ANKFN1: variants seen among roughly 807,000 people sequenced by gnomAD.
The protein encoded by ANKFN1 is ankyrin repeat and fibronectin type III domain containing 1.
A neutral mutation model predicts 108.7 loss-of-function variants in ANKFN1; 74 were observed. That is an observed-to-expected ratio of 0.68 (90% confidence interval 0.56 to 0.83). The LOEUF (loss-of-function observed/expected upper bound fraction) is 0.83, where lower values mean the gene tolerates loss of function less well. ANKFN1 is among the 40% of genes least tolerant of loss of function. The pLI is 0.00. For missense variants in ANKFN1, 1,505 were observed against 1,382.3 expected (o/e 1.09, Z -1.41); for synonymous variants, 547 against 516.2 (o/e 1.06, Z -0.81).
intron 4 of ANKFN1, among the ~76,000 whole-genome samples, chr17:56,137,002 A>C (rs1191855872): frequency 6.6e-6 from 1 of 152,204 alleles, no homozygotes; most frequent in African/African-American, 2.4e-5. Flanking sequence ...CTGCCCACAA[A>C]GGAAATAAGA....
chr17:56,466,318 A>G (rs768348373), intron 14 of ANKFN1, 38 bp from the exon 15 acceptor site: 22 of 1,571,308 alleles, frequency 1.4e-5, no homozygotes, highest in Non-Finnish European at 1.9e-5. Context: ...TTGTTAGCAT[A>G]ATACCCTCTA....
chr17:56,469,169 G>C (rs1039348892), intron 15 of ANKFN1, among the ~76,000 whole-genome samples: 2 of 151,938 alleles, frequency 1.3e-5, no homozygotes, highest in Non-Finnish European at 2.9e-5. Flanking sequence ...AGATCCAAGT[G>C]GAAAATTTAC....
At chr17:56,166,763 A>AT (rs1328204740) in intron 1 of ANKFN1, among the ~76,000 whole-genome samples, 1 of 152,028 alleles carries the variant, frequency 6.6e-6, no homozygotes, top group African/African-American at 2.4e-5. Context: ...TCCCCATAGT[A>AT]TTTTTTTGTT....
chr17:56,375,793 C>G (rs1287506256), intron 8 of ANKFN1, among the ~76,000 whole-genome samples: 1 of 152,130 alleles, frequency 6.6e-6, no homozygotes, highest in Non-Finnish European at 1.5e-5. Flanking sequence ...GACTATGCAC[C>G]AGGCACCATT....
intron 1 of ANKFN1, among the ~76,000 whole-genome samples, chr17:56,195,080 G>A (rs1913385054): frequency 6.6e-6 from 1 of 151,870 alleles, no homozygotes; most frequent in Non-Finnish European, 1.5e-5. Flanking sequence ...TCCCTTTTTT[G>A]CATTACAATG....
rs148001349 is a variant in ANKFN1 at position 56,145,298 on chromosome 17, T to A, written c.289-82619T>A. On this transcript the variant is annotated intron_variant, in intron 4 of 12. Transcript: ENST00000635860. ...TAAAGGGAGTCAGAAAAATAGAATG[T>A]TTTTTGCTAGCAGATGTGTAAAACC... 1.4e-3 allele frequency among the ~76,000 whole-genome samples: 219 copies of A among 152,268 alleles called. 2 individuals carry two copies. The highest frequency in any genetic ancestry group is 5.2e-3 in the African/African-American group (216 of 41,558).
At chr17:56,091,442 A>ACACACC (rs1215111558) in intron 4 of ANKFN1, among the ~76,000 whole-genome samples, 1 of 150,436 alleles carries the variant, frequency 6.6e-6, no homozygotes, top group Admixed American at 6.6e-5. Flanking sequence ...ACACACACAC[A>ACACACC]CACACACACA....
At chr17:56,466,644 A>T in intron 15 of ANKFN1, 73 bp downstream of exon 15, 1 of 1,322,478 alleles carries the variant, frequency 7.6e-7, no homozygotes, top group South Asian at 1.3e-5. Flanking sequence ...CTAGTGAAAT[A>T]TTGCAAGAGC....
intron 8 of ANKFN1, among the ~76,000 whole-genome samples, chr17:56,399,924 T>C (rs1439869275): frequency 6.8e-6 from 1 of 147,346 alleles, no homozygotes; most frequent in East Asian, 2.0e-4. Context: ...ATATTATATA[T>C]AGTGATATAT....
chr17:56,288,163 A>G (rs181663017), intron 3 of ANKFN1, among the ~76,000 whole-genome samples: 110 of 152,294 alleles, frequency 7.2e-4, no homozygotes, highest in African/African-American at 2.5e-3. Context: ...ACAAAAAATG[A>G]AAAAGATATA....
In ANKFN1 at chr17:56,126,692, G is replaced by T. The variant is rs542633466; in HGVS notation, c.288+80367G>T. 4.5e-4 allele frequency among the ~76,000 whole-genome samples: 69 copies of T among 152,302 alleles called. No homozygotes were observed. The South Asian group carries it at 0.014, about 31-fold the overall frequency. On this transcript the variant is annotated intron_variant, in intron 4 of 12. Transcript: ENST00000635860. ...CACACCTAATTCTCCCAGATGATTTGTAAGGCTCTCCAGGACCAAAAGGGG... is the reference window on the plus strand; with the variant it reads ...CACACCTAATTCTCCCAGATGATTTTTAAGGCTCTCCAGGACCAAAAGGGG...
intron 4 of ANKFN1, among the ~76,000 whole-genome samples, chr17:56,054,189 T>G (rs1904826054): frequency 6.6e-6 from 1 of 152,184 alleles, no homozygotes; most frequent in African/African-American, 2.4e-5. Flanking sequence ...TGAAAGTAGA[T>G]CTACCATTTG....
Position 56,094,710 on chromosome 17 carries a change from C to T in ANKFN1, c.288+48385C>T, listed in dbSNP as rs1465429525. Among the ~76,000 whole-genome samples the T allele has an allele frequency of 1.6e-4, 22 of 139,684 alleles. 1 individual carries two copies. Among genetic ancestry groups the T allele is most frequent in the East Asian group, 4.0e-4 (2 of 4,974 alleles). 91.6% of individuals were successfully genotyped at this position (139,684 alleles called of 152,430 possible). A position where few individuals can be genotyped will look rare whatever the true frequency, so the allele number is the denominator to read the frequency against. On this transcript the variant is annotated intron_variant, in intron 4 of 12. Transcript: ENST00000635860. ...TTTTTTTTTGTATTTTTAGTAGAGA[C>T]GGGGTTTCACCATGTTGGCCAGGAT...
chr17:56,386,539 A>C (rs1276851159), intron 8 of ANKFN1, among the ~76,000 whole-genome samples: 1 of 150,858 alleles, frequency 6.6e-6, no homozygotes, highest in Admixed American at 6.6e-5. Context: ...AAAATCTCTT[A>C]GTAATAGCTC....
chr17:56,420,703 T>A (rs993274808), intron 8 of ANKFN1, among the ~76,000 whole-genome samples: 33 of 119,426 alleles, frequency 2.8e-4, no homozygotes, highest in East Asian at 1.7e-3. Context: ...TTTTTTTTTT[T>A]ATTGTTGTTT....
rs767873774 is a variant in ANKFN1 at position 56,515,449 on chromosome 17, A to C, written c.*4180A>C. Among the ~76,000 whole-genome samples, 1 of 152,208 alleles carries C rather than the reference A, an allele frequency of 6.6e-6. No individual in the cohort carries two copies. Among genetic ancestry groups the C allele is most frequent in the Non-Finnish European group, 1.5e-5 (1 of 68,032 alleles). On this transcript the variant is annotated 3_prime_UTR_variant, in exon 21 of 21. Coordinates refer to ENST00000682825, the MANE Select transcript of ANKFN1 (RefSeq NM_001370326.1). ...CTTCAAGGAAATTTTTAAAATAGCT[A>C]TTTGGAAAGCAATGGTATCTCTTCA...
intron 1 of ANKFN1, among the ~76,000 whole-genome samples, chr17:56,176,537 C>T (rs915627837): frequency 2.6e-5 from 4 of 152,208 alleles, no homozygotes; most frequent in African/African-American, 7.2e-5. Context: ...GCAAAGCAGA[C>T]TGTCTTCACC....
At chr17:56,385,878 GT>G (rs2047251094) in intron 8 of ANKFN1, among the ~76,000 whole-genome samples, 1 of 151,746 alleles carries the variant, frequency 6.6e-6, no homozygotes, top group African/African-American at 2.4e-5. Context: ...TGGTGGGACT[GT>G]AAACTAGTTC....
chr17:56,412,561 T>G (rs1253165849), intron 8 of ANKFN1, among the ~76,000 whole-genome samples: 4 of 152,230 alleles, frequency 2.6e-5, no homozygotes, highest in Non-Finnish European at 5.9e-5. Context: ...GTGGAAGGAC[T>G]GGACTGGCTG....
Sources: allele counts gnomAD v4.1 joint callset (sites outside exome capture counted in the v4.1 genomes callset), GRCh38; gene constraint gnomAD v4.1.1; transcripts MANE v1.5; gene names NCBI Gene and HGNC (gene_info 2026-07-23, HGNC 2026-07-21).